Variants in TDRD7 observed in about 807,000 individuals in gnomAD.
The protein encoded by TDRD7 is tudor domain containing 7, also known as tudor domain-containing protein 7.
TDRD7 carries 47 observed loss-of-function variants against 109.8 expected under a neutral mutation model. That is an observed-to-expected ratio of 0.43 (90% CI 0.34 to 0.55). TDRD7 has a LOEUF of 0.55. TDRD7 is among the 20% of genes least tolerant of loss of function. The pLI, the probability that TDRD7 is intolerant of heterozygous loss-of-function variation, is 0.03. For missense variants in TDRD7, 1,164 were observed against 1,319.2 expected (o/e 0.88, Z 1.82); for synonymous variants, 424 against 457.3 (o/e 0.93, Z 0.93).
intron 2 of TDRD7, among the ~76,000 whole-genome samples, chr9:97,430,249 A>G (rs1828077413): frequency 6.6e-6 from 1 of 152,096 alleles, no homozygotes; most frequent in African/African-American, 2.4e-5. Context: ...GTGTTTTGAG[A>G]GATGTGGAAG....
chr9:97,439,414 G>A (rs112168578), intron 5 of TDRD7, 96 bp downstream of exon 5: 1 of 993,382 alleles, frequency 1.0e-6, no homozygotes, highest in Non-Finnish European at 1.6e-6. Context: ...ACCTTCTCCT[G>A]TTTGGAATAT....
At chr9:97,421,124 G>A (rs1225294818) in intron 1 of TDRD7, among the ~76,000 whole-genome samples, 2 of 146,798 alleles carry the variant, frequency 1.4e-5, no homozygotes, top group Non-Finnish European at 3.0e-5. Flanking sequence ...CACAGAGCTG[G>A]ACTCTGTCTC....
intron 1 of TDRD7, among the ~76,000 whole-genome samples, chr9:97,421,667 G>A (rs1432544029): frequency 6.6e-6 from 1 of 151,706 alleles, no homozygotes; most frequent in Non-Finnish European, 1.5e-5. Flanking sequence ...AGGTAGCTGG[G>A]ACTACAGGCA....
intron 1 of TDRD7, among the ~76,000 whole-genome samples, chr9:97,415,933 A>G (rs1827803868): frequency 6.6e-6 from 1 of 152,264 alleles, no homozygotes; most frequent in South Asian, 2.1e-4. Context: ...AACAAAACTC[A>G]GAGCATTTCC....
At chr9:97,423,413 A>G (rs1247387089) in intron 1 of TDRD7, among the ~76,000 whole-genome samples, 3 of 131,428 alleles carry the variant, frequency 2.3e-5, no homozygotes, top group Admixed American at 1.5e-4. Flanking sequence ...TTTTTTTTCT[A>G]TGTTTCTAGG....
intron 4 of TDRD7, among the ~76,000 whole-genome samples, chr9:97,434,713 C>G (rs1459405808): frequency 6.6e-6 from 1 of 152,110 alleles, no homozygotes; most frequent in Admixed American, 6.6e-5. Context: ...AACACAAAAA[C>G]CTGTCCACTT....
intron 2 of TDRD7, among the ~76,000 whole-genome samples, 161 bp from the exon 3 acceptor site, chr9:97,430,772 T>A (rs1159526526): frequency 6.6e-6 from 1 of 152,224 alleles, no homozygotes; most frequent in Non-Finnish European, 1.5e-5. Context: ...GCAGAAAATA[T>A]AATTTTCTTC....
At chr9:97,438,121 C>T (rs1012945431) in intron 4 of TDRD7, among the ~76,000 whole-genome samples, 12 of 151,936 alleles carry the variant, frequency 7.9e-5, no homozygotes, top group Admixed American at 2.0e-4. Context: ...GGCTGGTGTG[C>T]GGGAAGGAGT....
intron 7 of TDRD7, among the ~76,000 whole-genome samples, chr9:97,464,567 A>G (rs1367402595): frequency 2.0e-5 from 3 of 152,082 alleles, no homozygotes; most frequent in African/African-American, 7.2e-5. Flanking sequence ...CATATTGGCC[A>G]GGCTGGTCTC....
intron 2 of TDRD7, 87 bp downstream of exon 2, chr9:97,428,759 G>A (rs1426754769): frequency 3.1e-6 from 4 of 1,279,402 alleles, no homozygotes; most frequent in East Asian, 2.3e-5. Flanking sequence ...TGTGATAGAC[G>A]TCTAAGTGAA....
intron 1 of TDRD7, among the ~76,000 whole-genome samples, chr9:97,421,146 A>G (rs1020216824): frequency 3.3e-5 from 5 of 152,078 alleles, no homozygotes; most frequent in African/African-American, 9.7e-5. Flanking sequence ...AAAAAAAAAA[A>G]AAAAAGAAAT....
rs780748474 is a variant in TDRD7 at position 97,460,617 on chromosome 9, A to C, written c.1295A>C (p.Gln432Pro). The change falls in exon 7 of 17, where the codon CAA becomes CCA. Residue 432 changes from glutamine to proline, a missense_variant. This residue lies in a region of TDRD7 where 407 missense variants were observed against 394.0 expected (regional missense o/e 1.03). Coordinates refer to ENST00000355295, the MANE Select transcript of TDRD7 (RefSeq NM_014290.3). ...AATGATATCAAGGCTATGGTTGAAC[A>C]AGAGTATTTGCAGGTAGAAGAAAGC... ...GDNDIKAMVE[Q>P]EYLQVEESIA... is the part of the protein sequence containing the mutation. 6 of 1,614,226 alleles carry C rather than the reference A, an allele frequency of 3.7e-6. No homozygotes were observed. Among genetic ancestry groups the C allele is most frequent in the Non-Finnish European group, 5.1e-6 (6 of 1,180,032 alleles).
intron 16 of TDRD7, 90 bp downstream of exon 16, chr9:97,487,422 C>A: frequency 6.3e-7 from 1 of 1,574,830 alleles, no homozygotes; most frequent in South Asian, 1.1e-5. Context: ...TCATTGGCCT[C>A]TTGAGTTTAG....
intron 6 of TDRD7, among the ~76,000 whole-genome samples, chr9:97,457,877 C>T (rs765639304): frequency 2.0e-4 from 31 of 152,268 alleles, no homozygotes; most frequent in Admixed American, 3.9e-4. Context: ...CAAACTAACA[C>T]AGGAATGGAA....
At chr9:97,489,591 T>A (rs1157390924) in intron 16 of TDRD7, among the ~76,000 whole-genome samples, 1 of 152,194 alleles carries the variant, frequency 6.6e-6, no homozygotes, top group Non-Finnish European at 1.5e-5. Context: ...TTTTTTTTAT[T>A]TACTCTGACA....
chr9:97,460,636 A>G lies in TDRD7; in HGVS notation c.1314A>G (p.Glu438=). Residue 438 remains glutamate, a synonymous_variant, in exon 7 of 17, where the codon GAA becomes GAG. Coordinates refer to ENST00000355295, the MANE Select transcript of TDRD7 (RefSeq NM_014290.3). ...AMVEQEYLQV[E]ESIAESANTF... ...TTGAACAAGAGTATTTGCAGGTAGA[A>G]GAAAGCATTGCTGAAAGTGCTAATA... is the stretch of plus-strand genomic sequence containing the variant. 5.0e-6 allele frequency: 8 copies of G among 1,614,214 alleles called. No homozygotes were observed. The highest frequency in any genetic ancestry group is 6.8e-6 in the Non-Finnish European group (8 of 1,180,024).
chr9:97,464,894 A>C lies in TDRD7; in HGVS notation c.1495A>C (p.Lys499Gln). Residue 499 changes from lysine (K) to glutamine (Q), a missense_variant, in exon 8 of 17, where the codon AAG becomes CAG. By Grantham distance (53) the Lys-to-Gln change is moderately conservative. This residue lies in a region of TDRD7 where 261 missense variants were observed against 336.2 expected (regional missense o/e 0.78). Coordinates refer to ENST00000355295, the MANE Select transcript of TDRD7 (RefSeq NM_014290.3). ...AAQELMEDEM[K>Q]EYYSKNPKIT... is the part of the protein sequence containing the mutation. ...TCAGGAATTAATGGAAGATGAGATG[A>C]AGGAATATTACAGTAAGAATCCTAA... is the stretch of plus-strand genomic sequence containing the variant. 1 of 1,614,190 alleles carries C rather than the reference A, an allele frequency of 6.2e-7. No homozygotes were observed. The highest frequency in any genetic ancestry group is 8.5e-7 in the Non-Finnish European group (1 of 1,180,008).
At chr9:97,424,382 A>G (rs1404487339) in intron 1 of TDRD7, among the ~76,000 whole-genome samples, 1 of 151,796 alleles carries the variant, frequency 6.6e-6, no homozygotes, top group Admixed American at 6.6e-5. Context: ...TACTGATTTT[A>G]TTTTTTTGAT....
At chr9:97,482,347 A>G (rs1829129796) in intron 14 of TDRD7, among the ~76,000 whole-genome samples, 1 of 152,264 alleles carries the variant, frequency 6.6e-6, no homozygotes, top group Middle Eastern at 3.4e-3. Context: ...GTGCTTACAG[A>G]TATGGTGGTT....
Sources: allele counts gnomAD v4.1 joint callset (sites outside exome capture counted in the v4.1 genomes callset), GRCh38; gene constraint gnomAD v4.1.1; regional missense constraint gnomAD v4.1.1; transcripts MANE v1.5; gene names NCBI Gene and HGNC (gene_info 2026-07-23, HGNC 2026-07-21).